BRINP1: variants seen among roughly 807,000 people sequenced by gnomAD.
The protein encoded by BRINP1 is BMP/retinoic acid-inducible neural-specific protein 1.
In BRINP1, 17 loss-of-function variants were observed where a neutral mutation model predicts 72.9. The ratio of observed to expected loss-of-function variants is 0.23; its 90% CI spans 0.16 to 0.35. The LOEUF is 0.35. BRINP1 is among the 10% of genes least tolerant of loss of function. The pLI is 1.00. For synonymous variants in BRINP1, 418 were observed against 378.5 expected (o/e 1.10, Z -1.21); for missense variants, 850 against 1,001.6 (o/e 0.85, Z 2.04).
chr9:119,359,696 T>G (rs1346453687), intron 1 of BRINP1, among the ~76,000 whole-genome samples: 6 of 152,202 alleles, frequency 3.9e-5, no homozygotes, highest in Non-Finnish European at 5.9e-5. Context: ...CACAATTGAC[T>G]CAGTATATGG....
At chr9:119,250,786 C>T (rs1379469189) in intron 2 of BRINP1, among the ~76,000 whole-genome samples, 1 of 152,138 alleles carries the variant, frequency 6.6e-6, no homozygotes, top group Non-Finnish European at 1.5e-5. Flanking sequence ...AGCTCTCCGA[C>T]CTGCCTGAGT....
rs551754475 is a variant in BRINP1 at position 119,182,691 on chromosome 9, C to T, written c.1146-14467G>A. Among the ~76,000 whole-genome samples the T allele has an allele frequency of 7.2e-5, 11 of 152,310 alleles. No homozygotes were observed. The East Asian group carries it at 2.1e-3, about 29-fold the overall frequency. On this transcript the variant is annotated intron_variant, in intron 7 of 7. Transcript: ENST00000265922. Reference sequence around the variant, plus strand: ...AACCAATCTACCAGTACCTTGATCTCGGACTTCCCAACCTTCAGAGCTGTG... The same window carrying T: ...AACCAATCTACCAGTACCTTGATCTTGGACTTCCCAACCTTCAGAGCTGTG...
intron 7 of BRINP1, among the ~76,000 whole-genome samples, chr9:119,199,900 A>G (rs1482504311): frequency 6.6e-6 from 1 of 151,698 alleles, no homozygotes; most frequent in African/African-American, 2.4e-5. Context: ...GACAATCGCC[A>G]TTTGCAGTTT....
intron 3 of BRINP1, among the ~76,000 whole-genome samples, chr9:119,248,473 G>C (rs1369479328): frequency 2.6e-5 from 4 of 152,164 alleles, no homozygotes; most frequent in Non-Finnish European, 5.9e-5. Context: ...GGATGGGTAA[G>C]GCTGAGCAGG....
At chr9:119,341,286 C>T (rs768614862) in intron 1 of BRINP1, among the ~76,000 whole-genome samples, 14 of 152,192 alleles carry the variant, frequency 9.2e-5, no homozygotes, top group Admixed American at 2.6e-4. Flanking sequence ...TTTTTCATAA[C>T]GTAACTTTAA....
At chr9:119,285,902 C>A (rs970351126) in intron 2 of BRINP1, among the ~76,000 whole-genome samples, 6 of 152,116 alleles carry the variant, frequency 3.9e-5, no homozygotes, top group African/African-American at 7.2e-5. Flanking sequence ...TGAGATCCAA[C>A]TTATACCAGG....
intron 2 of BRINP1, among the ~76,000 whole-genome samples, chr9:119,303,301 C>CAG (rs1169599360): frequency 2.0e-5 from 3 of 148,446 alleles, no homozygotes; most frequent in Non-Finnish European, 4.5e-5. Flanking sequence ...GACACACACA[C>CAG]ACACACACAC....
At chr9:119,199,342 A>G (rs953972372) in intron 7 of BRINP1, among the ~76,000 whole-genome samples, 3 of 152,212 alleles carry the variant, frequency 2.0e-5, no homozygotes, top group African/African-American at 7.2e-5. Flanking sequence ...CAGAATAGAG[A>G]TAACGATTAT....
intron 2 of BRINP1, among the ~76,000 whole-genome samples, chr9:119,250,742 T>C (rs1830379084): frequency 1.3e-5 from 2 of 152,050 alleles, no homozygotes; most frequent in Admixed American, 1.3e-4. Flanking sequence ...ACAATCACAG[T>C]TCCCACCAAA....
At chr9:119,175,794 C>T (rs1329272335) in intron 7 of BRINP1, among the ~76,000 whole-genome samples, 2 of 152,284 alleles carry the variant, frequency 1.3e-5, no homozygotes, top group East Asian at 1.9e-4. Flanking sequence ...CACCCTTTGG[C>T]TGTCTTCCAT....
At chr9:119,233,120 TC>T (rs1337314917) in intron 5 of BRINP1, among the ~76,000 whole-genome samples, 1 of 152,102 alleles carries the variant, frequency 6.6e-6, no homozygotes, top group Non-Finnish European at 1.5e-5. Flanking sequence ...TTGATATTGT[TC>T]TCAATCCACC....
At chr9:119,250,056 G>A (rs1463288006) in intron 2 of BRINP1, among the ~76,000 whole-genome samples, 9 of 122,330 alleles carry the variant, frequency 7.4e-5, no homozygotes, top group African/African-American at 2.4e-4. Flanking sequence ...GAGAGAGGGA[G>A]GGAGGGAAGA....
At chr9:119,246,296 A>T (rs1321005774) in intron 3 of BRINP1, among the ~76,000 whole-genome samples, 1 of 152,196 alleles carries the variant, frequency 6.6e-6, no homozygotes, top group East Asian at 1.9e-4. Context: ...GGACTGGGAA[A>T]GGCAGACCCA....
chr9:119,268,559 G>T (rs1284412248), intron 2 of BRINP1, among the ~76,000 whole-genome samples: 1 of 152,088 alleles, frequency 6.6e-6, no homozygotes, highest in African/African-American at 2.4e-5. Flanking sequence ...AGCAGTCTTT[G>T]GCCACCAAAG....
chr9:119,275,107 C>T (rs1172582040), intron 2 of BRINP1, among the ~76,000 whole-genome samples: 1 of 152,110 alleles, frequency 6.6e-6, no homozygotes, highest in Non-Finnish European at 1.5e-5. Context: ...TGACTCTAGA[C>T]TTTGGGTACC....
intron 2 of BRINP1, among the ~76,000 whole-genome samples, chr9:119,252,097 C>T (rs1830395934): frequency 1.3e-5 from 2 of 152,092 alleles, no homozygotes; most frequent in Admixed American, 1.3e-4. Flanking sequence ...TTTCTTCCTC[C>T]CTCCCTCTCA....
At chr9:119,215,940 G>A (rs769021721) in intron 5 of BRINP1, among the ~76,000 whole-genome samples, 7 of 152,210 alleles carry the variant, frequency 4.6e-5, no homozygotes, top group Non-Finnish European at 8.8e-5. Flanking sequence ...AAAATATTCA[G>A]CCTGCCTGTT....
At chr9:119,257,565 T>C (rs1432734989) in intron 2 of BRINP1, among the ~76,000 whole-genome samples, 1 of 152,178 alleles carries the variant, frequency 6.6e-6, no homozygotes, top group African/African-American at 2.4e-5. Flanking sequence ...ATCCCATTGG[T>C]CGCATTAACT....
At chr9:119,250,716 T>C (rs1249107814) in intron 2 of BRINP1, among the ~76,000 whole-genome samples, 2 of 152,156 alleles carry the variant, frequency 1.3e-5, no homozygotes, top group African/African-American at 4.8e-5. Context: ...TGAGTGAAGG[T>C]TGCTTTTGCT....
Sources: gnomAD v4.1 joint callset for allele counts (sites outside exome capture counted in the v4.1 genomes callset) on GRCh38, gnomAD v4.1.1 for gene constraint, MANE v1.5 for transcripts, NCBI Gene and HGNC (gene_info 2026-07-23, HGNC 2026-07-21) for gene names.